Variants in RPS6KA2 observed in about 807,000 individuals in gnomAD.
The protein encoded by RPS6KA2 is ribosomal protein S6 kinase A2, also known as ribosomal protein S6 kinase alpha-2.
In RPS6KA2, 42 loss-of-function variants were observed where a neutral mutation model predicts 91.8. The ratio of observed to expected loss-of-function variants is 0.46; its 90% CI spans 0.36 to 0.59. RPS6KA2 has a LOEUF of 0.59. Ranked by LOEUF, RPS6KA2 falls within the 20% of genes least tolerant of loss-of-function variation. The pLI is 0.00. For missense variants in RPS6KA2, 798 were observed against 978.5 expected, an observed-to-expected ratio of 0.82 and a Z score of 2.46; for synonymous variants, 414 against 393.6, an observed-to-expected ratio of 1.05 and a Z score of -0.61.
chr6:166,541,922 A>C (rs1783670257), intron 1 of RPS6KA2, among the ~76,000 whole-genome samples: 1 of 152,150 alleles, frequency 6.6e-6, no homozygotes, highest in Non-Finnish European at 1.5e-5. Context: ...TCTCATTTCA[A>C]ATCAGTAAGG....
chr6:166,721,480 A>G (rs1205882807), intron 2 of RPS6KA2, among the ~76,000 whole-genome samples: 1 of 152,236 alleles, frequency 6.6e-6, no homozygotes, highest in Non-Finnish European at 1.5e-5. Flanking sequence ...GATGGTGCCT[A>G]GTAAAAGAAT....
intron 16 of RPS6KA2, among the ~76,000 whole-genome samples, chr6:166,425,036 G>A (rs927207053): frequency 6.6e-6 from 1 of 151,960 alleles, no homozygotes; most frequent in African/African-American, 2.4e-5. Context: ...AATGGGTAAA[G>A]GTGTCCCTCC....
At chr6:166,479,541 G>C (rs1781111832) in intron 10 of RPS6KA2, among the ~76,000 whole-genome samples, 1 of 152,222 alleles carries the variant, frequency 6.6e-6, no homozygotes, top group African/African-American at 2.4e-5. Context: ...TGGCAGCCAT[G>C]GTGAGGTGGC....
intron 11 of RPS6KA2, 144 bp downstream of exon 11, chr6:166,469,697 C>T (rs765925034): frequency 1.2e-5 from 9 of 765,146 alleles, no homozygotes; most frequent in Non-Finnish European, 1.9e-5. Context: ...CCTGGGGGCT[C>T]CCTGCCTGCA....
intron 2 of RPS6KA2, among the ~76,000 whole-genome samples, chr6:166,689,612 C>T (rs1789140487): frequency 6.6e-6 from 1 of 152,236 alleles, no homozygotes; most frequent in Non-Finnish European, 1.5e-5. Flanking sequence ...AGAGGTGATA[C>T]CCCCCAGGCA....
chr6:166,424,517 G>A (rs1028983037), intron 16 of RPS6KA2, among the ~76,000 whole-genome samples: 7 of 152,172 alleles, frequency 4.6e-5, no homozygotes, highest in African/African-American at 7.2e-5. Context: ...CATGTGATAC[G>A]GTGCAGCTGC....
chr6:166,729,572 G>A (rs1790450315), intron 2 of RPS6KA2, among the ~76,000 whole-genome samples: 1 of 152,146 alleles, frequency 6.6e-6, no homozygotes, highest in Admixed American at 6.5e-5. Flanking sequence ...GAACTCCTGG[G>A]CTCGAGCAGT....
At chr6:166,649,307 T>C (rs1787777676) in intron 2 of RPS6KA2, among the ~76,000 whole-genome samples, 1 of 152,234 alleles carries the variant, frequency 6.6e-6, no homozygotes, top group Admixed American at 6.5e-5. Flanking sequence ...AATAGGACCT[T>C]TGTTCATGCA....
At chr6:166,716,158 G>A (rs1448157466) in intron 2 of RPS6KA2, among the ~76,000 whole-genome samples, 1 of 151,202 alleles carries the variant, frequency 6.6e-6, no homozygotes, top group Admixed American at 6.6e-5. Flanking sequence ...AACTAAACCA[G>A]TTTTATCACA....
At chr6:166,560,097 C>A (rs192186649) in intron 1 of RPS6KA2, among the ~76,000 whole-genome samples, 78 of 152,338 alleles carry the variant, frequency 5.1e-4, no homozygotes, top group Admixed American at 1.5e-3. Context: ...TCTCATACCA[C>A]ACACTGTCAG....
chr6:166,484,697 C>T (rs1490849844), intron 10 of RPS6KA2, among the ~76,000 whole-genome samples: 1 of 152,242 alleles, frequency 6.6e-6, no homozygotes, highest in Non-Finnish European at 1.5e-5. Flanking sequence ...ATCTGGGCTC[C>T]TGACAGCAGT....
chr6:166,762,388 G>A (rs1409039850), intron 2 of RPS6KA2, among the ~76,000 whole-genome samples: 2 of 152,112 alleles, frequency 1.3e-5, no homozygotes, highest in Admixed American at 6.5e-5. Context: ...ATGTCTATGC[G>A]CATATGTGTG....
In RPS6KA2 at chr6:166,662,460, G is replaced by C. The variant is rs553625793; in HGVS notation, c.124-123676C>G. 6.6e-6 allele frequency among the ~76,000 whole-genome samples: 1 copy of C among 152,270 alleles called. No homozygotes were observed. The highest frequency in any genetic ancestry group is 2.1e-4 in the South Asian group (1 of 4,830). On this transcript the variant is annotated intron_variant, in intron 2 of 21. Coordinates refer to the RPS6KA2 transcript ENST00000503859. The surrounding 1 kb of genome is among the most constrained non-coding windows in gnomAD (Gnocchi z 4.3). ...TCTTTGGGGACGTAAGAACAGCTCT[G>C]CTTGCAAATCCAATGCCTATGTTAC...
At chr6:166,565,087 A>C (rs1479338875) in intron 1 of RPS6KA2, among the ~76,000 whole-genome samples, 1 of 152,182 alleles carries the variant, frequency 6.6e-6, no homozygotes, top group Non-Finnish European at 1.5e-5. Flanking sequence ...GGCTGGGCTG[A>C]AAGTCACTCC....
chr6:166,841,129 A>T (rs1039682508), intron 2 of RPS6KA2, among the ~76,000 whole-genome samples: 6 of 151,792 alleles, frequency 4.0e-5, no homozygotes, highest in African/African-American at 9.7e-5. Flanking sequence ...AAAAATAAAA[A>T]AAAAAAAATT....
At chr6:166,431,837 A>G (rs1002504560) in intron 15 of RPS6KA2, among the ~76,000 whole-genome samples, 1 of 152,036 alleles carries the variant, frequency 6.6e-6, no homozygotes, top group African/African-American at 2.4e-5. Flanking sequence ...GCTGGTCTCA[A>G]AGTGATCTGC....
intron 19 of RPS6KA2, among the ~76,000 whole-genome samples, chr6:166,417,961 G>A (rs1427702428): frequency 1.3e-5 from 2 of 151,898 alleles, no homozygotes; most frequent in Non-Finnish European, 2.9e-5. Context: ...GGTCGCACAC[G>A]CCTGTAGTCC....
At chr6:166,561,433 A>G (rs1784339973) in intron 1 of RPS6KA2, among the ~76,000 whole-genome samples, 1 of 151,622 alleles carries the variant, frequency 6.6e-6, no homozygotes, top group Admixed American at 6.6e-5. Flanking sequence ...CCTCCCTCCT[A>G]TAAAGAAGAA....
At chr6:166,799,299 A>C (rs558208057) in intron 2 of RPS6KA2, among the ~76,000 whole-genome samples, 2 of 152,232 alleles carry the variant, frequency 1.3e-5, no homozygotes, top group African/African-American at 2.4e-5. Flanking sequence ...AATTTTTTAA[A>C]AACTATTTAA....
Sources: allele counts gnomAD v4.1 joint callset (sites outside exome capture counted in the v4.1 genomes callset), GRCh38; gene constraint gnomAD v4.1.1; non-coding constraint Gnocchi (gnomAD v3.1); transcripts MANE v1.5; gene names NCBI Gene and HGNC (gene_info 2026-07-23, HGNC 2026-07-21).